TEAD1: variants seen among roughly 807,000 people sequenced by gnomAD.
TEAD1 encodes the protein transcriptional enhancer factor TEF-1.
A neutral mutation model predicts 54.9 loss-of-function variants in TEAD1; 9 were observed. The ratio of observed to expected loss-of-function variants is 0.16; its 90% CI spans 0.10 to 0.29. The LOEUF (loss-of-function observed/expected upper bound fraction) is 0.29, where lower values mean the gene tolerates loss of function less well. Among genes scored for constraint, TEAD1 ranks in the 10% least tolerant of loss-of-function variants. The pLI, the probability that TEAD1 is intolerant of heterozygous loss-of-function variation, is 1.00. For missense variants in TEAD1, 387 were observed against 535.9 expected (o/e 0.72, Z 2.74); for synonymous variants, 200 against 187.8 (o/e 1.07, Z -0.53).
intron 3 of TEAD1, among the ~76,000 whole-genome samples, chr11:12,781,071 A>G (rs1462238987): frequency 6.6e-6 from 1 of 152,230 alleles, no homozygotes; most frequent in Non-Finnish European, 1.5e-5. Flanking sequence ...ATTGATTTTC[A>G]ACAGATATAC....
At chr11:12,907,669 G>A (rs1948543755) in intron 10 of TEAD1, among the ~76,000 whole-genome samples, 1 of 152,180 alleles carries the variant, frequency 6.6e-6, no homozygotes, top group Non-Finnish European at 1.5e-5. Context: ...CTTTAAGCCA[G>A]GCACTGTGCC....
chr11:12,682,030 G>T (rs1943233891), intron 2 of TEAD1, among the ~76,000 whole-genome samples: 1 of 152,176 alleles, frequency 6.6e-6, no homozygotes, highest in Non-Finnish European at 1.5e-5. Context: ...TAGGTGCGTT[G>T]TGGTAGGTGC....
chr11:12,722,686 C>CA (rs1453867432), intron 2 of TEAD1, among the ~76,000 whole-genome samples: 3 of 149,100 alleles, frequency 2.0e-5, no homozygotes, highest in African/African-American at 7.4e-5. Flanking sequence ...ACTATAACCG[C>CA]AAAAAAGACA....
At chr11:12,700,834 A>G (rs1204571495) in intron 2 of TEAD1, among the ~76,000 whole-genome samples, 1 of 152,236 alleles carries the variant, frequency 6.6e-6, no homozygotes, top group African/African-American at 2.4e-5. Context: ...TTTGTAGATT[A>G]TAAGTAGTTC....
intron 9 of TEAD1, among the ~76,000 whole-genome samples, chr11:12,896,411 C>T (rs1948317135): frequency 6.6e-6 from 1 of 152,170 alleles, no homozygotes; most frequent in East Asian, 1.9e-4. Context: ...GGAACATACC[C>T]TCCTATAGCT....
chr11:12,756,384 A>G (rs915517918), intron 2 of TEAD1, among the ~76,000 whole-genome samples: 2 of 152,108 alleles, frequency 1.3e-5, no homozygotes, highest in East Asian at 1.9e-4. Context: ...CTGTGCTTCC[A>G]TCTCTTCTGT....
chr11:12,726,520 A>C (rs981482477), intron 2 of TEAD1, among the ~76,000 whole-genome samples: 2 of 151,594 alleles, frequency 1.3e-5, no homozygotes, highest in African/African-American at 4.9e-5. Flanking sequence ...TAAGTAAACA[A>C]TGACCACTGA....
chr11:12,929,736 G>A (rs947273517), intron 11 of TEAD1, among the ~76,000 whole-genome samples: 1 of 152,100 alleles, frequency 6.6e-6, no homozygotes, highest in South Asian at 2.1e-4. Context: ...TGATCCGTGA[G>A]AAATAATCAG....
intron 3 of TEAD1, among the ~76,000 whole-genome samples, chr11:12,775,126 TCAAA>T (rs1348217604): frequency 6.6e-6 from 1 of 152,204 alleles, no homozygotes; most frequent in East Asian, 1.9e-4. Context: ...TATGGAACCA[TCAAA>T]CAGAGTTAAG....
intron 9 of TEAD1, among the ~76,000 whole-genome samples, chr11:12,900,867 A>T (rs1339227478): frequency 6.6e-6 from 1 of 152,076 alleles, no homozygotes; most frequent in Non-Finnish European, 1.5e-5. Context: ...AGTGAACCCT[A>T]TTTGGTTCTG....
chr11:12,677,386 TTCC>T (rs1426553587), intron 2 of TEAD1, among the ~76,000 whole-genome samples: 2 of 152,086 alleles, frequency 1.3e-5, no homozygotes, highest in African/African-American at 4.8e-5. Context: ...GGGAGTCGGC[TTCC>T]TCCTCCCTTT....
chr11:12,924,962 A>T lies in TEAD1; in HGVS notation c.924A>T (p.Val308=). The change falls in exon 11 of 13, where the codon GTA becomes GTT. Residue 308 remains valine, a synonymous_variant. Transcript: ENST00000527636. ...ATGATGCTGGGGCTTTTTATGGTGT[A>T]ACCAGTCAGTACGAGAGTTCTGAAA... The T allele has an allele frequency of 6.2e-7, 1 of 1,614,210 alleles. No individual in the cohort carries two copies. Among genetic ancestry groups the T allele is most frequent in the Non-Finnish European group, 8.5e-7 (1 of 1,180,040 alleles).
intron 3 of TEAD1, among the ~76,000 whole-genome samples, chr11:12,787,943 A>G (rs574566844): frequency 6.6e-6 from 1 of 151,060 alleles, no homozygotes; most frequent in Non-Finnish European, 1.5e-5. Context: ...GTTTCTCTTC[A>G]GACTGTATAA....
intron 3 of TEAD1, among the ~76,000 whole-genome samples, chr11:12,837,679 T>TCTTTTTC (rs1946923767): frequency 1.4e-5 from 2 of 147,954 alleles, no homozygotes; most frequent in South Asian, 4.3e-4. Flanking sequence ...CCTTCTTCCT[T>TCTTTTTC]CTTTCTCCCT....
At chr11:12,870,330 G>A (rs1947717248) in intron 5 of TEAD1, among the ~76,000 whole-genome samples, 1 of 152,166 alleles carries the variant, frequency 6.6e-6, no homozygotes, top group Non-Finnish European at 1.5e-5. Flanking sequence ...GGAGAGATAC[G>A]AGGTTCAGGA....
intron 2 of TEAD1, among the ~76,000 whole-genome samples, chr11:12,698,788 G>A (rs1590062944): frequency 6.6e-6 from 1 of 152,146 alleles, no homozygotes; most frequent in South Asian, 2.1e-4. Context: ...CAGGTAATTA[G>A]GGCATGCGCA....
chr11:12,784,106 G>T (rs1945624975), intron 3 of TEAD1, among the ~76,000 whole-genome samples: 1 of 152,128 alleles, frequency 6.6e-6, no homozygotes. Flanking sequence ...GGGGATGGAT[G>T]GGAAGGACAT....
At position 12,780,210 on chromosome 11, in the gene TEAD1, T is replaced by C. The variant is rs181466316; in HGVS notation, c.202+15776T>C. 2.6e-5 allele frequency among the ~76,000 whole-genome samples: 4 copies of C among 151,972 alleles called. No homozygotes were observed. In the East Asian group the frequency reaches 7.7e-4, roughly 29 times the overall value. ...TGTAGCAAGGTTTCTGGATACAAGATAAATACATAAAAATATAAAACTCAA... is the reference window on the plus strand; with the variant it reads ...TGTAGCAAGGTTTCTGGATACAAGACAAATACATAAAAATATAAAACTCAA... On this transcript the variant is annotated intron_variant, in intron 3 of 12. Coordinates refer to ENST00000527636, the MANE Select transcript of TEAD1 (RefSeq NM_021961.6).
At chr11:12,835,570 T>G (rs1256670806) in intron 3 of TEAD1, among the ~76,000 whole-genome samples, 1 of 151,908 alleles carries the variant, frequency 6.6e-6, no homozygotes, top group Non-Finnish European at 1.5e-5. Context: ...TCCGCCCGCC[T>G]TGGCCTCCCA....
Sources: allele counts gnomAD v4.1 joint callset (sites outside exome capture counted in the v4.1 genomes callset), GRCh38; gene constraint gnomAD v4.1.1; transcripts MANE v1.5; gene names NCBI Gene and HGNC (gene_info 2026-07-23, HGNC 2026-07-21).